EPB41L4B: variants seen among roughly 807,000 people sequenced by gnomAD.
EPB41L4B encodes the protein erythrocyte membrane protein band 4.1 like 4B.
Under a neutral mutation model 112.5 loss-of-function variants are expected in EPB41L4B, and 30 were observed. The observed-to-expected ratio is 0.27, with a 90% CI of 0.20 to 0.36. The LOEUF is 0.36. Among genes scored for constraint, EPB41L4B ranks in the 10% least tolerant of loss-of-function variants. The pLI is 1.00. For synonymous variants in EPB41L4B, 408 were observed against 439.7 expected, an observed-to-expected ratio of 0.93 and a Z score of 0.90; for missense variants, 1,024 against 1,133.3, an observed-to-expected ratio of 0.90 and a Z score of 1.38.
chr9:109,242,648 T>C (rs1834393226), intron 15 of EPB41L4B, among the ~76,000 whole-genome samples: 1 of 152,172 alleles, frequency 6.6e-6, no homozygotes, highest in African/African-American at 2.4e-5. Flanking sequence ...CAACAAACTT[T>C]TTTTTGGCCT....
In EPB41L4B at chr9:109,181,073, G is replaced by A. The variant is rs983575556; in HGVS notation, c.2487+1656C>T. On this transcript the variant is annotated intron_variant, in intron 24 of 25. Coordinates refer to ENST00000374566, the MANE Select transcript of EPB41L4B (RefSeq NM_019114.5). ...GTTGCCCAGGCTGGAATCCAGTGGTGCAGTCATAGATCACTGCAGCGTCAG... is the reference window on the plus strand; with the variant it reads ...GTTGCCCAGGCTGGAATCCAGTGGTACAGTCATAGATCACTGCAGCGTCAG... Among the ~76,000 whole-genome samples the A allele has an allele frequency of 3.9e-5, 6 of 152,194 alleles. No individual in the cohort carries two copies. In the South Asian group the frequency reaches 6.2e-4, roughly 16 times the overall value.
At chr9:109,250,490 G>A (rs867130172) in intron 13 of EPB41L4B, among the ~76,000 whole-genome samples, 1 of 152,146 alleles carries the variant, frequency 6.6e-6, no homozygotes, top group Non-Finnish European at 1.5e-5. Flanking sequence ...ACCTACCAGC[G>A]GCTGCAGTTC....
intron 1 of EPB41L4B, among the ~76,000 whole-genome samples, chr9:109,286,717 G>A (rs1309005347): frequency 6.6e-6 from 1 of 152,204 alleles, no homozygotes; most frequent in African/African-American, 2.4e-5. Context: ...ACTAAAGGAA[G>A]TTCTCACTGA....
chr9:109,311,455 CCA>C (rs1161687603), intron 1 of EPB41L4B, among the ~76,000 whole-genome samples: 1 of 152,144 alleles, frequency 6.6e-6, no homozygotes, highest in Non-Finnish European at 1.5e-5. Context: ...GTAGACCATT[CCA>C]CCCGGGGGGA....
chr9:109,185,946 T>C (rs906516198), intron 22 of EPB41L4B, among the ~76,000 whole-genome samples: 2 of 152,030 alleles, frequency 1.3e-5, no homozygotes, highest in South Asian at 2.1e-4. Flanking sequence ...AGGTAGTGGC[T>C]TCTTGGCACG....
chr9:109,255,025 A>C (rs1834927121), intron 11 of EPB41L4B, among the ~76,000 whole-genome samples: 1 of 152,140 alleles, frequency 6.6e-6, no homozygotes, highest in Non-Finnish European at 1.5e-5. Flanking sequence ...TGGTTTCCTT[A>C]TCTGTAAAAT....
At position 109,190,456 on chromosome 9, in the gene EPB41L4B, T is replaced by C. The variant is rs1460817461; in HGVS notation, c.2301+1822A>G. Among the ~76,000 whole-genome samples, 5 of 152,174 alleles carry C rather than the reference T, an allele frequency of 3.3e-5. No homozygotes were observed. In the East Asian group the frequency reaches 5.8e-4, roughly 18 times the overall value. On this transcript the variant is annotated intron_variant, in intron 22 of 25. Coordinates refer to ENST00000374566, the MANE Select transcript of EPB41L4B (RefSeq NM_019114.5). ...CACAGGGCTGGTGGCAAAATAACCA[T>C]AGCTCATCCAGGCTGAGTCTCCTAG... is the stretch of plus-strand genomic sequence containing the variant.
intron 15 of EPB41L4B, among the ~76,000 whole-genome samples, chr9:109,229,983 T>G (rs546311823): frequency 6.6e-6 from 1 of 152,150 alleles, no homozygotes; most frequent in African/African-American, 2.4e-5. Context: ...CTTAGGATAA[T>G]TGACTCAAGT....
intron 2 of EPB41L4B, among the ~76,000 whole-genome samples, chr9:109,277,718 C>T (rs982167863): frequency 6.6e-6 from 1 of 152,126 alleles, no homozygotes; most frequent in Non-Finnish European, 1.5e-5. Context: ...AGTGAGGACA[C>T]AGGTGAGGTG....
chr9:109,262,452 G>GGGTGTGT (rs1554756265), intron 6 of EPB41L4B, among the ~76,000 whole-genome samples: 1 of 149,556 alleles, frequency 6.7e-6, no homozygotes, highest in Admixed American at 6.7e-5. Context: ...TGTGTGTGGG[G>GGGTGTGT]GTGTGTGTGT....
At chr9:109,245,116 T>C (rs1291539555) in intron 14 of EPB41L4B, among the ~76,000 whole-genome samples, 2 of 152,208 alleles carry the variant, frequency 1.3e-5, no homozygotes. Context: ...CTTTAGCATC[T>C]CCCTGCTGCA....
intron 15 of EPB41L4B, among the ~76,000 whole-genome samples, chr9:109,221,908 T>G (rs1168796132): frequency 1.3e-5 from 2 of 152,168 alleles, no homozygotes; most frequent in African/African-American, 4.8e-5. Flanking sequence ...TGATTTGCAC[T>G]CTCTGCTTGG....
intron 6 of EPB41L4B, 120 bp from the exon 7 acceptor site, chr9:109,258,417 A>C: frequency 1.9e-6 from 2 of 1,047,466 alleles, no homozygotes; most frequent in East Asian, 2.4e-5. Context: ...CCAATGTATA[A>C]CTCTCTCCTT....
At chr9:109,296,144 C>T (rs549073540) in intron 1 of EPB41L4B, among the ~76,000 whole-genome samples, 114 of 152,322 alleles carry the variant, frequency 7.5e-4, no homozygotes, top group Non-Finnish European at 1.4e-3. Flanking sequence ...AGCCAAGAAA[C>T]GTGAACAGAA....
intron 9 of EPB41L4B, 94 bp from the exon 10 acceptor site, chr9:109,255,937 TAA>T (rs1025910228): frequency 2.4e-5 from 28 of 1,154,188 alleles, no homozygotes; most frequent in Non-Finnish European, 2.8e-5. Flanking sequence ...AAGCTTAGAC[TAA>T]AAAAAAAATA....
chr9:109,222,988 T>G (rs111427304), intron 15 of EPB41L4B, among the ~76,000 whole-genome samples: 3,919 of 152,234 alleles, frequency 0.026, 172 homozygotes, highest in African/African-American at 0.089. Context: ...GTGTTCCTAC[T>G]GGGGCCTAGC....
intron 4 of EPB41L4B, among the ~76,000 whole-genome samples, chr9:109,267,130 G>A (rs377206701): frequency 1.3e-5 from 2 of 151,896 alleles, no homozygotes; most frequent in Admixed American, 6.6e-5. Flanking sequence ...ATAAGATGGC[G>A]ATTAAGGACT....
chr9:109,217,596 G>C (rs1386505406), intron 15 of EPB41L4B, among the ~76,000 whole-genome samples: 2 of 152,188 alleles, frequency 1.3e-5, no homozygotes, highest in Non-Finnish European at 2.9e-5. Flanking sequence ...TCTTGAGACA[G>C]GGTCTTGCTG....
chr9:109,236,246 T>C (rs564636296), intron 15 of EPB41L4B, among the ~76,000 whole-genome samples: 2 of 152,172 alleles, frequency 1.3e-5, no homozygotes, highest in Non-Finnish European at 2.9e-5. Context: ...CTTGGTTTGA[T>C]AGATTGCAGG....
Sources: gnomAD v4.1 joint callset for allele counts (sites outside exome capture counted in the v4.1 genomes callset) on GRCh38, gnomAD v4.1.1 for gene constraint, MANE v1.5 for transcripts, NCBI Gene and HGNC (gene_info 2026-07-23, HGNC 2026-07-21) for gene names.